SAMSN1: variants seen among roughly 807,000 people sequenced by gnomAD.
SAMSN1 encodes the protein SAM domain-containing protein SAMSN-1.
In SAMSN1, 31 loss-of-function variants were observed where a neutral mutation model predicts 42.0. The observed-to-expected ratio is 0.74, with a 90% CI of 0.55 to 1.00. The LOEUF (loss-of-function observed/expected upper bound fraction) is 1.00. SAMSN1 is among the 50% of genes least tolerant of loss of function. The pLI is 0.00. For synonymous variants in SAMSN1, 178 were observed against 151.9 expected, an observed-to-expected ratio of 1.17 and a Z score of -1.26; for missense variants, 464 against 439.4, an observed-to-expected ratio of 1.06 and a Z score of -0.50.
At chr21:14,488,321 A>T (rs1986530498) in intron 7 of SAMSN1, among the ~76,000 whole-genome samples, 1 of 152,148 alleles carries the variant, frequency 6.6e-6, no homozygotes, top group Non-Finnish European at 1.5e-5. Flanking sequence ...TTCCCTTCAC[A>T]TTGATATCCT....
At chr21:14,552,801 A>T (rs1366202791) in intron 2 of SAMSN1, among the ~76,000 whole-genome samples, 2 of 152,084 alleles carry the variant, frequency 1.3e-5, no homozygotes, top group African/African-American at 2.4e-5. Context: ...AAGAGCGTTT[A>T]TTATTCCCTC....
intron 2 of SAMSN1, among the ~76,000 whole-genome samples, chr21:14,578,680 C>CAAAAAAA (rs769354531): frequency 1.4e-4 from 9 of 63,716 alleles, no homozygotes; most frequent in East Asian, 1.1e-3. Flanking sequence ...GAGAATCCAT[C>CAAAAAAA]AAAAAAAAAA....
chr21:14,486,963 C>T (rs1270653845), intron 7 of SAMSN1, among the ~76,000 whole-genome samples: 1 of 152,156 alleles, frequency 6.6e-6, no homozygotes, highest in African/African-American at 2.4e-5. Context: ...TTCTCGATTC[C>T]TTTAGCGTCA....
At chr21:14,520,907 C>T (rs760343) in intron 2 of SAMSN1, among the ~76,000 whole-genome samples, 26,296 of 151,618 alleles carry the variant, frequency 0.17, 2,557 homozygotes, top group African/African-American at 0.26. Flanking sequence ...CCCGATATAC[C>T]CTGCCCTACT....
rs749580623 is a variant in SAMSN1, at chr21:14,510,448, G to A, written c.423C>T (p.Ser141=). ...SGQSSSSGIT[S]CSDGTSNRDS... ...CCCGGTTACTTGTACCATCTGAACA[G>A]CTTGTTATGCCACCTGATGAAAGCA... The change falls in exon 5 of 8, where the codon AGC becomes AGT. Residue 141 remains serine (S), a synonymous_variant. Coordinates refer to ENST00000400566, the MANE Select transcript of SAMSN1 (RefSeq NM_022136.5). 2 of 1,614,140 alleles carry A rather than the reference G, an allele frequency of 1.2e-6. No individual in the cohort carries two copies. The highest frequency in any genetic ancestry group is 2.2e-5 in the East Asian group (1 of 44,884).
In SAMSN1 at chr21:14,581,507, C is replaced by T. The variant is rs545773445; in HGVS notation, c.261+629G>A. 4.5e-3 allele frequency among the ~76,000 whole-genome samples: 674 copies of T among 150,176 alleles called. 8 individuals are homozygous for T. The highest frequency in any genetic ancestry group is 0.015 in the African/African-American group (620 of 40,980). ...CCGAGTAGCTGGAACTACAGGTGCC[C>T]GCCACCACGCCCGGCTAATTTTTTT... On this transcript the variant is annotated intron_variant, in intron 2 of 8. Coordinates refer to the SAMSN1 transcript ENST00000285670.
chr21:14,506,719 A>C (rs1224224609), intron 5 of SAMSN1, among the ~76,000 whole-genome samples: 1 of 152,110 alleles, frequency 6.6e-6, no homozygotes, highest in Non-Finnish European at 1.5e-5. Context: ...CTAATACCAA[A>C]ACCAGGAAAG....
At chr21:14,541,013 G>T (rs1329209482) in intron 1 of SAMSN1, among the ~76,000 whole-genome samples, 1 of 151,804 alleles carries the variant, frequency 6.6e-6, no homozygotes, top group African/African-American at 2.4e-5. Flanking sequence ...CCATCATTCT[G>T]AGCAAACTAT....
At chr21:14,619,550 C>T (rs557713713) in intron 2 of SAMSN1, 113 of 181,836 alleles carry the variant, frequency 6.2e-4, no homozygotes, top group African/African-American at 2.1e-3. Context: ...TTGCACAAGT[C>T]ATTCATTTCT....
chr21:14,632,025 AG>A (rs1222025288), intron 2 of SAMSN1, among the ~76,000 whole-genome samples: 1 of 152,216 alleles, frequency 6.6e-6, no homozygotes. Flanking sequence ...TATGCTGTTT[AG>A]GTCACATCTA....
At chr21:14,627,287 G>A (rs1359894792) in intron 2 of SAMSN1, among the ~76,000 whole-genome samples, 5 of 132,930 alleles carry the variant, frequency 3.8e-5, no homozygotes, top group African/African-American at 5.6e-5. Context: ...GAAAAAAAAA[G>A]CAATATAAAC....
At chr21:14,618,084 T>C (rs978492865) in intron 2 of SAMSN1, among the ~76,000 whole-genome samples, 2 of 152,228 alleles carry the variant, frequency 1.3e-5, no homozygotes, top group African/African-American at 4.8e-5. Context: ...ACTTTTACTA[T>C]GTATGTTGTC....
At chr21:14,642,717 A>G (rs1428910075) in intron 2 of SAMSN1, among the ~76,000 whole-genome samples, 1 of 152,190 alleles carries the variant, frequency 6.6e-6, no homozygotes, top group Non-Finnish European at 1.5e-5. Flanking sequence ...CTTTCTCGCA[A>G]CTTCCAAATC....
chr21:14,659,298 A>G (rs1983963056), upstream of SAMSN1, among the ~76,000 whole-genome samples: 1 of 152,024 alleles, frequency 6.6e-6, no homozygotes, highest in African/African-American at 2.4e-5. Context: ...CATAAATCTA[A>G]AATGTACCAC....
intron 5 of SAMSN1, among the ~76,000 whole-genome samples, chr21:14,605,011 CT>C (rs771093435): frequency 3.7e-4 from 56 of 152,192 alleles, no homozygotes; most frequent in Non-Finnish European, 5.1e-4. Flanking sequence ...CATGCATGAA[CT>C]ACATGGTAGA....
chr21:14,564,876 A>T lies in SAMSN1; in HGVS notation c.261+17260T>A, dbSNP rs184435577. Among the ~76,000 whole-genome samples, 5 of 152,298 alleles carry T rather than the reference A, an allele frequency of 3.3e-5. No homozygotes were observed. In the East Asian group the frequency reaches 9.6e-4, roughly 29 times the overall value. On this transcript the variant is annotated intron_variant, in intron 2 of 8. Transcript: ENST00000285670. ...CACTCCAAATCCACTCAGCAGGAAA[A>T]GTTATAGCATGCATAATTTCCAAAA...
chr21:14,518,490 A>G (rs1988019472), intron 2 of SAMSN1, among the ~76,000 whole-genome samples: 1 of 152,132 alleles, frequency 6.6e-6, no homozygotes, highest in Non-Finnish European at 1.5e-5. Flanking sequence ...GTCCTAAAAT[A>G]CCTTATATTT....
At chr21:14,629,090 G>C (rs1983256450) in intron 2 of SAMSN1, among the ~76,000 whole-genome samples, 2 of 151,976 alleles carry the variant, frequency 1.3e-5, no homozygotes, top group Admixed American at 6.6e-5. Context: ...TGATCATCTA[G>C]GTCAGAAATT....
intron 2 of SAMSN1, among the ~76,000 whole-genome samples, chr21:14,565,474 C>A (rs1468314073): frequency 6.6e-6 from 1 of 152,074 alleles, no homozygotes; most frequent in East Asian, 1.9e-4. Flanking sequence ...AAATGCATTG[C>A]TTACACATAA....
Sources: gnomAD v4.1 joint callset for allele counts (sites outside exome capture counted in the v4.1 genomes callset) on GRCh38, gnomAD v4.1.1 for gene constraint, MANE v1.5 for transcripts, NCBI Gene and HGNC (gene_info 2026-07-23, HGNC 2026-07-21) for gene names.